The following MAF variants were observed in gnomAD, a reference collection of about 807,000 sequenced individuals.
MAF encodes transcription factor Maf.
A neutral mutation model predicts 22.0 loss-of-function variants in MAF; 10 were observed. The observed-to-expected ratio is 0.45, with a 90% CI of 0.28 to 0.77. MAF has a LOEUF of 0.77. Ranked by LOEUF, MAF falls within the 30% of genes least tolerant of loss-of-function variation. MAF has a pLI of 0.12. For synonymous variants in MAF, 337 were observed against 255.8 expected (o/e 1.32, Z -3.03); for missense variants, 544 against 548.4 (o/e 0.99, Z 0.08).
the MAF span, among the ~76,000 whole-genome samples, chr16:79,556,939 C>T: frequency 2.4e-3 from 364 of 151,666 alleles, 3 homozygotes; most frequent in African/African-American, 8.5e-3. Context: ...ATTTCTGTTA[C>T]GAGTTTCTAC....
At chr16:79,338,287 G>T in the MAF span, among the ~76,000 whole-genome samples, 1 of 152,146 alleles carries the variant, frequency 6.6e-6, no homozygotes. Flanking sequence ...AGGCATTTAG[G>T]GGCTAAATCA....
the MAF span, among the ~76,000 whole-genome samples, chr16:79,560,115 T>C: frequency 6.6e-6 from 1 of 151,940 alleles, no homozygotes; most frequent in Non-Finnish European, 1.5e-5. Flanking sequence ...CTTGCTACTT[T>C]GCCCAGGCTG....
the MAF span, among the ~76,000 whole-genome samples, chr16:79,335,351 G>C: frequency 1.3e-5 from 2 of 151,982 alleles, no homozygotes; most frequent in Non-Finnish European, 2.9e-5. Flanking sequence ...CTCGTACTAT[G>C]GCCGACCAGC....
the MAF span, among the ~76,000 whole-genome samples, chr16:79,528,830 G>C: frequency 6.6e-6 from 1 of 152,146 alleles, no homozygotes; most frequent in African/African-American, 2.4e-5. Flanking sequence ...ACTACTCAGA[G>C]ATTCTCAGAA....
chr16:79,422,722 A>C, the MAF span, among the ~76,000 whole-genome samples: 27 of 152,160 alleles, frequency 1.8e-4, no homozygotes, highest in Admixed American at 1.6e-3. Context: ...CTCATTCAAC[A>C]ATATTTATTG....
the MAF span, among the ~76,000 whole-genome samples, chr16:79,551,876 C>A: frequency 8.7e-4 from 133 of 152,194 alleles, no homozygotes; most frequent in African/African-American, 3.1e-3. Context: ...ACAGAAATAT[C>A]TGCTCTCTGG....
chr16:79,582,867 T>A (rs1020588194), downstream of MAF, among the ~76,000 whole-genome samples: 8 of 152,134 alleles, frequency 5.3e-5, no homozygotes, highest in Non-Finnish European at 7.4e-5. Flanking sequence ...TAAAACCGAA[T>A]ATTTAGAAGC....
chr16:79,294,123 AAGGGACTTGAATTC>A, the MAF span, among the ~76,000 whole-genome samples: 1 of 152,168 alleles, frequency 6.6e-6, no homozygotes, highest in African/African-American at 2.4e-5. Flanking sequence ...GGTAATTCTG[AAGGGACTTGAATTC>A]AGGGACAAAG....
At chr16:79,596,707 C>T in intron 1 of MAF, 4 of 1,039,868 alleles carry the variant, frequency 3.8e-6, no homozygotes, top group Non-Finnish European at 4.6e-6. Context: ...GGATGTCAGT[C>T]CCTGAAAATA....
the MAF span, among the ~76,000 whole-genome samples, chr16:79,368,078 C>T: frequency 7.9e-5 from 12 of 152,296 alleles, no homozygotes; most frequent in East Asian, 3.9e-4. Flanking sequence ...GAGGCTTCCC[C>T]GTCTGCATGC....
the MAF span, among the ~76,000 whole-genome samples, chr16:79,555,345 T>C: frequency 6.6e-6 from 1 of 152,176 alleles, no homozygotes; most frequent in Admixed American, 6.5e-5. Context: ...CAGTTTGAAG[T>C]GTCAGGAATG....
At chr16:79,245,909 G>C in the MAF span, among the ~76,000 whole-genome samples, 4 of 151,978 alleles carry the variant, frequency 2.6e-5, no homozygotes, top group African/African-American at 9.7e-5. Context: ...TTTCTGCAGG[G>C]ACATGGATGA....
At chr16:79,235,110 G>C in the MAF span, among the ~76,000 whole-genome samples, 5 of 152,090 alleles carry the variant, frequency 3.3e-5, no homozygotes, top group African/African-American at 1.2e-4. Context: ...CTTTAAGCCA[G>C]TACCATTTTT....
the MAF span, among the ~76,000 whole-genome samples, chr16:79,492,339 A>T: frequency 6.6e-6 from 1 of 152,196 alleles, no homozygotes; most frequent in African/African-American, 2.4e-5. Flanking sequence ...TAATTAATAC[A>T]AAAAGTCAAA....
chr16:79,215,161 T>G, the MAF span, among the ~76,000 whole-genome samples: 1 of 152,186 alleles, frequency 6.6e-6, no homozygotes, highest in African/African-American at 2.4e-5. Context: ...CCAGGAGTGT[T>G]TGATTTCAAG....
the MAF span, among the ~76,000 whole-genome samples, chr16:79,431,583 AC>A: frequency 6.6e-6 from 1 of 152,192 alleles, no homozygotes; most frequent in Non-Finnish European, 1.5e-5. Flanking sequence ...GATTTTATTC[AC>A]AGTGCCATTT....
chr16:79,292,139 C>A, the MAF span, among the ~76,000 whole-genome samples: 233 of 152,182 alleles, frequency 1.5e-3, no homozygotes, highest in African/African-American at 5.4e-3. Context: ...GGTTGAATCG[C>A]ATCTCTAAGA....
chr16:79,327,015 G>C, the MAF span, among the ~76,000 whole-genome samples: 1 of 152,234 alleles, frequency 6.6e-6, no homozygotes, highest in Non-Finnish European at 1.5e-5. Flanking sequence ...TGTGGGGTTT[G>C]GACCCCGGCA....
At chr16:79,498,662 C>A in the MAF span, among the ~76,000 whole-genome samples, 1 of 152,142 alleles carries the variant, frequency 6.6e-6, no homozygotes, top group African/African-American at 2.4e-5. Flanking sequence ...AGGTTAAGTA[C>A]CTAGCTGAAG....
Sources: allele counts gnomAD v4.1 joint callset (sites outside exome capture counted in the v4.1 genomes callset), GRCh38; gene constraint gnomAD v4.1.1; transcripts MANE v1.5; gene names NCBI Gene and HGNC (gene_info 2026-07-23, HGNC 2026-07-21).